Variants in BANP observed in about 807,000 individuals in gnomAD.
BANP encodes BTG3 associated nuclear protein, also known as protein BANP.
In BANP, 11 loss-of-function variants were observed where a neutral mutation model predicts 68.1. That is an observed-to-expected ratio of 0.16 (90% CI 0.10 to 0.27). The LOEUF (loss-of-function observed/expected upper bound fraction) is 0.27. BANP is among the 10% of genes least tolerant of loss of function. The probability of loss-of-function intolerance (pLI) is 1.00; values close to 1 mark genes in which losing one functional copy is unlikely to be tolerated. For synonymous variants in BANP, 329 were observed against 303.2 expected, an observed-to-expected ratio of 1.09 and a Z score of -0.88; for missense variants, 504 against 722.7, an observed-to-expected ratio of 0.70 and a Z score of 3.47.
intron 1 of BANP, among the ~76,000 whole-genome samples, chr16:87,953,815 G>A (rs992370813): frequency 6.6e-6 from 1 of 152,120 alleles, no homozygotes; most frequent in Non-Finnish European, 1.5e-5. Flanking sequence ...GCTTGCACAC[G>A]AGCCAGCCTG....
At chr16:88,069,299 C>A (rs2089679920) in intron 12 of BANP, among the ~76,000 whole-genome samples, 1 of 152,182 alleles carries the variant, frequency 6.6e-6, no homozygotes, top group Admixed American at 6.5e-5. Flanking sequence ...CATTGACCTG[C>A]CTTTTTCTTT....
At position 88,076,803 on chromosome 16, in the gene BANP, A is replaced by T; in HGVS notation, c.*142A>T. On this transcript the variant is annotated 3_prime_UTR_variant, in exon 14 of 14. Coordinates refer to ENST00000682872, the MANE Select transcript of BANP (RefSeq NM_001386991.1). ...TCTGAAGGCCGCTGCCTCCGCGGGGAACAGCATCCTATCAACTGAAAGAGC... is the reference window on the plus strand; with the variant it reads ...TCTGAAGGCCGCTGCCTCCGCGGGGTACAGCATCCTATCAACTGAAAGAGC... 1.5e-6 allele frequency: 1 copy of T among 672,926 alleles called. No individual in the cohort carries two copies. The highest frequency in any genetic ancestry group is 2.0e-5 in the South Asian group (1 of 50,844). 41.7% of individuals were successfully genotyped at this position (672,926 alleles called of 1,614,324 possible).
chr16:88,005,950 G>T, intron 5 of BANP, 140 bp from the exon 6 acceptor site: 1 of 923,520 alleles, frequency 1.1e-6, no homozygotes, highest in East Asian at 2.5e-5. Flanking sequence ...TATTAATCTT[G>T]GTAGAGAGAG....
At chr16:87,978,419 G>A (rs1469580708) in intron 2 of BANP, 3 of 348,230 alleles carry the variant, frequency 8.6e-6, no homozygotes, top group Non-Finnish European at 1.7e-5. Context: ...TGAGTACGAG[G>A]GTCTCTCTCT....
At chr16:88,030,435 A>G (rs1444236279) in intron 8 of BANP, among the ~76,000 whole-genome samples, 1 of 152,210 alleles carries the variant, frequency 6.6e-6, no homozygotes, top group Non-Finnish European at 1.5e-5. Context: ...CTTGCCTTCC[A>G]TGTGTTTCGG....
intron 4 of BANP, among the ~76,000 whole-genome samples, chr16:87,994,996 C>G (rs1324833712): frequency 6.6e-6 from 1 of 151,886 alleles, no homozygotes; most frequent in Non-Finnish European, 1.5e-5. Context: ...CTGGGTGCCT[C>G]TGATGCCTGA....
At chr16:88,059,661 T>G (rs900078818) in intron 11 of BANP, among the ~76,000 whole-genome samples, 3 of 152,052 alleles carry the variant, frequency 2.0e-5, no homozygotes, top group Non-Finnish European at 2.9e-5. Context: ...CAGATGAAGC[T>G]TTTTGCAGGA....
intron 1 of BANP, among the ~76,000 whole-genome samples, chr16:87,966,011 A>G (rs1408755917): frequency 6.6e-6 from 1 of 152,216 alleles, no homozygotes; most frequent in Non-Finnish European, 1.5e-5. Context: ...ACCTGGACAG[A>G]TGACCACACG....
At chr16:88,047,053 G>A (rs76627289) in intron 11 of BANP, among the ~76,000 whole-genome samples, 35,418 of 148,960 alleles carry the variant, frequency 0.24, 4,499 homozygotes, top group East Asian at 0.49. Flanking sequence ...GCGACATAGC[G>A]AGACTCCGTC....
intron 1 of BANP, among the ~76,000 whole-genome samples, chr16:87,962,527 C>T (rs1281668585): frequency 6.6e-6 from 1 of 152,124 alleles, no homozygotes; most frequent in Non-Finnish European, 1.5e-5. Flanking sequence ...GAATTACTGC[C>T]TTAGAGCCTA....
At chr16:88,035,504 A>T in intron 10 of BANP, 110 bp downstream of exon 10, 1 of 1,077,650 alleles carries the variant, frequency 9.3e-7, no homozygotes, top group Non-Finnish European at 1.4e-6. Flanking sequence ...AGGACAGGGA[A>T]CGTGGGCAAG....
intron 6 of BANP, among the ~76,000 whole-genome samples, chr16:88,010,298 C>A (rs139748091): frequency 1.2e-4 from 19 of 152,242 alleles, no homozygotes; most frequent in Admixed American, 1.0e-3. Flanking sequence ...ATAATTCTTA[C>A]AAAACGTGAC....
chr16:88,073,958 G>T (rs987371287), intron 13 of BANP, among the ~76,000 whole-genome samples: 1 of 152,242 alleles, frequency 6.6e-6, no homozygotes, highest in Non-Finnish European at 1.5e-5. Flanking sequence ...TGCTTAAGGG[G>T]CCGCTTTCCC....
At chr16:88,032,873 C>T (rs1270840004) in intron 8 of BANP, among the ~76,000 whole-genome samples, 1 of 152,218 alleles carries the variant, frequency 6.6e-6, no homozygotes, top group Non-Finnish European at 1.5e-5. Flanking sequence ...TTTGTCATAG[C>T]AGCATCACGC....
chr16:87,990,440 T>C (rs986281143), intron 4 of BANP, among the ~76,000 whole-genome samples: 6 of 152,224 alleles, frequency 3.9e-5, no homozygotes, highest in Admixed American at 6.5e-5. Context: ...TGTGGTGTTA[T>C]GTAGAGCTAG....
rs539595280 is a variant in BANP, at chr16:87,984,291, G to T, written c.362+32G>T. 5.3e-5 allele frequency: 81 copies of T among 1,528,372 alleles called. 1 individual carries two copies. In the East Asian group the frequency reaches 2.0e-3, roughly 37 times the overall value. 94.7% of individuals were successfully genotyped at this position (1,528,372 alleles called of 1,614,324 possible). ...ACAGACCAGGGTGCCGGGGCCTTCA[G>T]GTCACTTGGGGAGAAGCGCGTCACC... is the stretch of plus-strand genomic sequence containing the variant. On this transcript the variant is annotated intron_variant, in intron 4 of 13. Coordinates refer to ENST00000682872, the MANE Select transcript of BANP (RefSeq NM_001386991.1).
chr16:88,003,264 A>G lies in BANP; in HGVS notation c.363-1031A>G, dbSNP rs1346159901. On this transcript the variant is annotated intron_variant, in intron 4 of 13. Transcript: ENST00000682872. This position sits in a 1 kb window ranked among gnomAD's most constrained non-coding sequence, Gnocchi z 6.1. ...GATTATGCCTTTATTTTAGGAGAAAACCTGGTGGTCCTGTGATTTACTTGA... is the reference window on the plus strand; with the variant it reads ...GATTATGCCTTTATTTTAGGAGAAAGCCTGGTGGTCCTGTGATTTACTTGA... Among the ~76,000 whole-genome samples, 2 of 152,108 alleles carry G rather than the reference A, an allele frequency of 1.3e-5. No homozygotes were observed. The highest frequency in any genetic ancestry group is 2.9e-5 in the Non-Finnish European group (2 of 68,014).
intron 8 of BANP, among the ~76,000 whole-genome samples, chr16:88,029,374 C>T (rs975756179): frequency 6.7e-6 from 1 of 149,902 alleles, no homozygotes; most frequent in African/African-American, 2.5e-5. Flanking sequence ...CTTTGGGAGG[C>T]CAAGGCGGGC....
chr16:88,010,378 A>C (rs1377493714), intron 6 of BANP, among the ~76,000 whole-genome samples: 9 of 152,216 alleles, frequency 5.9e-5, no homozygotes, highest in Non-Finnish European at 1.2e-4. Context: ...TTCTAATTGA[A>C]TTATTGCCAG....
Sources: allele counts gnomAD v4.1 joint callset (sites outside exome capture counted in the v4.1 genomes callset), GRCh38; gene constraint gnomAD v4.1.1; non-coding constraint Gnocchi (gnomAD v3.1); transcripts MANE v1.5; gene names NCBI Gene and HGNC (gene_info 2026-07-23, HGNC 2026-07-21).